The following LRGUK variants were observed in gnomAD, a reference collection of about 807,000 sequenced individuals.
LRGUK encodes leucine-rich repeat and guanylate kinase domain-containing protein.
A neutral mutation model predicts 76.0 loss-of-function variants in LRGUK; 65 were observed. The observed-to-expected ratio is 0.85, with a 90% confidence interval of 0.70 to 1.05. LRGUK has a LOEUF of 1.05. LRGUK is among the 50% of genes least tolerant of loss of function. The pLI is 0.00. For missense variants in LRGUK, 758 were observed against 732.8 expected, an observed-to-expected ratio of 1.03 and a Z score of -0.40; for synonymous variants, 268 against 265.6, an observed-to-expected ratio of 1.01 and a Z score of -0.09.
At chr7:134,208,715 G>T (rs968621076) in exon 16 of LRGUK, 3 of 398,818 alleles carry the variant, frequency 7.5e-6, no homozygotes, top group Non-Finnish European at 1.3e-5. Context: ...AGGAGCTCCC[G>T]CTAGCAAGAA....
chr7:134,230,125 G>A lies in LRGUK; in HGVS notation c.1983+8207G>A, dbSNP rs570197005. Among the ~76,000 whole-genome samples the A allele has an allele frequency of 1.6e-3, 245 of 152,078 alleles. 1 individual carries two copies. Among genetic ancestry groups the A allele is most frequent in the Middle Eastern group, 6.8e-3 (2 of 294 alleles). On this transcript the variant is annotated intron_variant, in intron 16 of 19. Transcript: ENST00000285928. ...TACAGAGAGTGGGGAGATATTTGCCGTAACTATAACCAACAAAGTGTATCC... is the reference window on the plus strand; with the variant it reads ...TACAGAGAGTGGGGAGATATTTGCCATAACTATAACCAACAAAGTGTATCC...
chr7:134,159,336 CAAAAA>C (rs35701399), intron 6 of LRGUK, among the ~76,000 whole-genome samples: 18,678 of 81,430 alleles, frequency 0.23, 1,476 homozygotes, highest in East Asian at 0.45. Flanking sequence ...GACCCTGCCT[CAAAAA>C]AAAAAAAAAA....
intron 18 of LRGUK, among the ~76,000 whole-genome samples, chr7:134,252,646 T>A (rs1563200923): frequency 6.6e-6 from 1 of 152,138 alleles, no homozygotes; most frequent in Non-Finnish European, 1.5e-5. Flanking sequence ...GAGGTCCAAG[T>A]AGTAGGCAGG....
intron 16 of LRGUK, among the ~76,000 whole-genome samples, chr7:134,246,304 G>T (rs561908826): frequency 3.3e-5 from 5 of 152,186 alleles, no homozygotes; most frequent in African/African-American, 4.8e-5. Context: ...GTGTGCAGGG[G>T]ATACAGCAGT....
At chr7:134,135,814 T>C (rs1056846710) in intron 1 of LRGUK, among the ~76,000 whole-genome samples, 2 of 152,264 alleles carry the variant, frequency 1.3e-5, no homozygotes, top group Admixed American at 6.5e-5. Flanking sequence ...CGCCACCACA[T>C]CCGGCTAATT....
At chr7:134,151,783 C>T (rs1298530646) in intron 5 of LRGUK, among the ~76,000 whole-genome samples, 2 of 151,882 alleles carry the variant, frequency 1.3e-5, no homozygotes, top group African/African-American at 2.4e-5. Flanking sequence ...GGGAGTAAAC[C>T]TTGTGATCCA....
the LRGUK span, among the ~76,000 whole-genome samples, chr7:134,271,962 A>G: frequency 6.6e-6 from 1 of 152,136 alleles, no homozygotes; most frequent in African/African-American, 2.4e-5. Flanking sequence ...ATAAAAAATA[A>G]CAATATTCCT....
At chr7:134,272,349 G>T in the LRGUK span, among the ~76,000 whole-genome samples, 1 of 151,878 alleles carries the variant, frequency 6.6e-6, no homozygotes, top group Non-Finnish European at 1.5e-5. Context: ...ATATGGATAG[G>T]TCAAAAAATT....
rs548515849 is a variant in LRGUK at position 134,176,616 on chromosome 7, G to A, written c.1021-361G>A. ...AGGATGTTCTCGATCTCCTGATCTC[G>A]TGATCTGCCTGCCTTGGCCTCGCAA... On this transcript the variant is annotated intron_variant, in intron 8 of 15. Coordinates refer to ENST00000645682, the Ensembl canonical transcript of LRGUK. 1.1e-3 allele frequency among the ~76,000 whole-genome samples: 162 copies of A among 152,160 alleles called. 5 individuals are homozygous for A. The South Asian group carries it at 0.031, about 29-fold the overall frequency.
chr7:134,137,014 T>G lies in LRGUK; in HGVS notation c.298-9T>G, dbSNP rs1450407763. The G allele has an allele frequency of 2.5e-6, 4 of 1,605,204 alleles. No homozygotes were observed. The highest frequency in any genetic ancestry group is 3.4e-6 in the Non-Finnish European group (4 of 1,173,250). ...CTTTTCTTTGTCTACCTTTCTGGGT[T>G]TTTTACAGGAGGAATTTGATGGGGT... On this transcript the variant is annotated splice_polypyrimidine_tract_variant and intron_variant, in intron 1 of 15. Transcript: ENST00000645682.
intron 10 of LRGUK, among the ~76,000 whole-genome samples, chr7:134,181,991 T>C (rs910196815): frequency 2.0e-5 from 3 of 152,188 alleles, no homozygotes; most frequent in African/African-American, 7.2e-5. Flanking sequence ...ATAATAGCCA[T>C]AGCACCTCCC....
At chr7:134,131,454 G>A (rs1797303024) in intron 1 of LRGUK, among the ~76,000 whole-genome samples, 2 of 152,200 alleles carry the variant, frequency 1.3e-5, no homozygotes, top group Admixed American at 1.3e-4. Context: ...TGGATTGCAG[G>A]GACATGGAAG....
chr7:134,227,207 T>C (rs1016379925), intron 16 of LRGUK, among the ~76,000 whole-genome samples: 5 of 152,156 alleles, frequency 3.3e-5, no homozygotes, highest in Non-Finnish European at 7.3e-5. Flanking sequence ...GAGGGCTGAA[T>C]TGACACTTTG....
intron 5 of LRGUK, among the ~76,000 whole-genome samples, chr7:134,151,837 A>C (rs1166672494): frequency 6.6e-6 from 1 of 152,134 alleles, no homozygotes; most frequent in East Asian, 1.9e-4. Flanking sequence ...AATAAAATCC[A>C]GCTCTCATTC....
At chr7:134,255,159 G>T (rs1434210232) in intron 18 of LRGUK, among the ~76,000 whole-genome samples, 1 of 151,234 alleles carries the variant, frequency 6.6e-6, no homozygotes, top group African/African-American at 2.4e-5. Flanking sequence ...AAAGCTAGTG[G>T]ATCTTGTGTA....
chr7:134,236,487 T>G (rs2598257), intron 16 of LRGUK, among the ~76,000 whole-genome samples: 10,980 of 152,298 alleles, frequency 0.072, 976 homozygotes, highest in African/African-American at 0.2. Flanking sequence ...ATTTGGGTTT[T>G]GCCAGTTGCA....
At chr7:134,168,599 C>A (rs1012555386) in intron 7 of LRGUK, among the ~76,000 whole-genome samples, 1 of 152,080 alleles carries the variant, frequency 6.6e-6, no homozygotes, top group African/African-American at 2.4e-5. Context: ...GGACAAGGGC[C>A]TTCAATCAGG....
At chr7:134,211,796 G>T (rs1439858669), downstream of LRGUK, among the ~76,000 whole-genome samples, 2 of 152,180 alleles carry the variant, frequency 1.3e-5, no homozygotes, top group Non-Finnish European at 2.9e-5. Context: ...AATGATAGGA[G>T]TCCACTCTAA....
intron 2 of LRGUK, among the ~76,000 whole-genome samples, chr7:134,138,245 A>C (rs1037190829): frequency 2.9e-4 from 44 of 152,178 alleles, no homozygotes; most frequent in Admixed American, 1.5e-3. Flanking sequence ...GATCTACCCC[A>C]AAAAGCAATC....
Sources: allele counts gnomAD v4.1 joint callset (sites outside exome capture counted in the v4.1 genomes callset), GRCh38; gene constraint gnomAD v4.1.1; transcripts MANE v1.5; gene names NCBI Gene and HGNC (gene_info 2026-07-23, HGNC 2026-07-21).